Variants in REG4 observed in about 807,000 individuals in gnomAD.
The protein encoded by REG4 is regenerating family member 4, also known as regenerating islet-derived protein 4.
In REG4, 16 loss-of-function variants were observed where a neutral mutation model predicts 22.3. That is an observed-to-expected ratio of 0.72 (90% confidence interval 0.49 to 1.09). The LOEUF (loss-of-function observed/expected upper bound fraction) is 1.09, where lower values mean the gene tolerates loss of function less well. Ranked by LOEUF, REG4 falls within the 50% of genes least tolerant of loss-of-function variation. The pLI is 0.00. For missense variants in REG4, 214 were observed against 193.9 expected, an observed-to-expected ratio of 1.10 and a Z score of -0.61; for synonymous variants, 71 against 69.2, an observed-to-expected ratio of 1.03 and a Z score of -0.13.
chr1:119,794,649 C>A lies in REG4; in HGVS notation c.446G>T (p.Arg149Leu), dbSNP rs143957193. Residue 149 changes from arginine (R) to leucine (L), a missense_variant, in exon 6 of 6, where the codon CGC becomes CTC. By Grantham distance (102) the Arg-to-Leu change is moderately radical. Transcript: ENST00000256585. Reference sequence around the variant, plus strand: ...TCGGTACTTGCACAGGAAGTGTTGGCGCTTGTTGCATTCGTTGCTGCTCCA... The same window carrying A: ...TCGGTACTTGCACAGGAAGTGTTGGAGCTTGTTGCATTCGTTGCTGCTCCA... ...LTWSSNECNK[R>L]QHFLCKYRP is the part of the protein sequence containing the mutation. 3 of 1,613,988 alleles carry A rather than the reference C, an allele frequency of 1.9e-6. No individual in the cohort carries two copies. The highest frequency in any genetic ancestry group is 2.7e-5 in the African/African-American group (2 of 74,892).
rs762590256 is a variant in REG4 at position 119,805,412 on chromosome 1, G to T, written c.68-2247C>A. Among the ~76,000 whole-genome samples, 15 of 152,226 alleles carry T rather than the reference G, an allele frequency of 9.9e-5. No individual in the cohort carries two copies. The Middle Eastern group carries it at 0.01, about 104-fold the overall frequency. ...GCATCACACCTGGTGCTCCTGGTTT[G>T]GTCTTGTGCACTCTGAAGCAACTGT... is the stretch of plus-strand genomic sequence containing the variant. On this transcript the variant is annotated intron_variant, in intron 2 of 5. Coordinates refer to ENST00000256585, the MANE Select transcript of REG4 (RefSeq NM_032044.4).
chr1:119,808,684 C>G lies in REG4; in HGVS notation c.67+19G>C. 1 of 1,599,590 alleles carries G rather than the reference C, an allele frequency of 6.3e-7. No homozygotes were observed. Among genetic ancestry groups the G allele is most frequent in the African/African-American group, 1.3e-5 (1 of 74,668 alleles). ...AACACTGGCTGTGGCTCAGTTCCAGCTACGTGATGGATACTCACCACCCAG... is the reference window on the plus strand; with the variant it reads ...AACACTGGCTGTGGCTCAGTTCCAGGTACGTGATGGATACTCACCACCCAG... On this transcript the variant is annotated intron_variant, in intron 2 of 5. Transcript: ENST00000256585.
At chr1:119,810,054 T>C (rs1654451552) in intron 1 of REG4, among the ~76,000 whole-genome samples, 1 of 152,162 alleles carries the variant, frequency 6.6e-6, no homozygotes, top group Non-Finnish European at 1.5e-5. Context: ...TTTTGTATGT[T>C]TATTGCCTTT....
chr1:119,799,637 C>T (rs1654038240), intron 4 of REG4, 88 bp downstream of exon 4: 1 of 1,527,558 alleles, frequency 6.5e-7, no homozygotes, highest in South Asian at 1.2e-5. Context: ...CCGCTGTGTC[C>T]TTGTTATAGG....
chr1:119,796,871 G>C (rs1163544), intron 5 of REG4, among the ~76,000 whole-genome samples: 70 of 152,140 alleles, frequency 4.6e-4, no homozygotes, highest in Middle Eastern at 3.4e-3. Flanking sequence ...AAGGACTTTC[G>C]TTTGAGGACT....
In REG4 at chr1:119,811,409, C is replaced by G. The variant is rs1217441578; in HGVS notation, c.-95G>C. On this transcript the variant is annotated splice_region_variant and 5_prime_UTR_variant, in exon 1 of 6. Coordinates refer to ENST00000256585, the MANE Select transcript of REG4 (RefSeq NM_032044.4). ...CATCATCAACCGCGAGGAGGATTAC[C>G]TGTTTGGCAACCAAGACTCTAAGGG... 2 of 150,274 alleles carry G rather than the reference C, an allele frequency of 1.3e-5. No individual in the cohort carries two copies. The highest frequency in any genetic ancestry group is 3.9e-4 in the East Asian group (2 of 5,174). The allele number at this position is 150,274 out of a possible 1,614,324, so 9.3% of individuals were successfully genotyped here.
intron 2 of REG4, among the ~76,000 whole-genome samples, chr1:119,804,014 A>T (rs1654210181): frequency 6.6e-6 from 1 of 152,204 alleles, no homozygotes; most frequent in Non-Finnish European, 1.5e-5. Context: ...CTGCTAGTCC[A>T]TTGGTGAATG....
chr1:119,807,441 A>G (rs1654354428), intron 2 of REG4, among the ~76,000 whole-genome samples: 1 of 152,232 alleles, frequency 6.6e-6, no homozygotes, highest in South Asian at 2.1e-4. Context: ...GAGTTTAGTG[A>G]GATCCCAGGG....
Position 119,799,552 on chromosome 1 carries a change from C to T in REG4, c.303+173G>A, listed in dbSNP as rs587620130. On this transcript the variant is annotated intron_variant, in intron 4 of 5. Transcript: ENST00000256585. ...GAGTCATTTAAATCATATCCTCCAC[C>T]GAGGGCCAGAACTGGGCCCCTGACC... 8.9e-4 allele frequency among the ~76,000 whole-genome samples: 136 copies of T among 152,324 alleles called. 2 individuals are homozygous for T. The highest frequency in any genetic ancestry group is 3.0e-3 in the African/African-American group (125 of 41,570).
At chr1:119,798,472 T>G in intron 5 of REG4, 25 bp downstream of exon 5, 1 of 1,570,022 alleles carries the variant, frequency 6.4e-7, no homozygotes, top group Non-Finnish European at 8.8e-7. Flanking sequence ...TGGGAAGTGG[T>G]GAGGGGTGGT....
chr1:119,802,746 C>A, intron 3 of REG4: 1 of 1,446,096 alleles, frequency 6.9e-7, no homozygotes, highest in Non-Finnish European at 9.1e-7. Flanking sequence ...TCTGTGAATT[C>A]CTCATCTTCT....
intron 5 of REG4, among the ~76,000 whole-genome samples, chr1:119,797,235 T>C (rs1185182961): frequency 6.6e-6 from 1 of 152,214 alleles, no homozygotes; most frequent in African/African-American, 2.4e-5. Context: ...AATCCACTTG[T>C]TGATAGCCTC....
chr1:119,808,244 A>G (rs1315462751), intron 2 of REG4, among the ~76,000 whole-genome samples: 1 of 152,162 alleles, frequency 6.6e-6, no homozygotes, highest in African/African-American at 2.4e-5. Context: ...TTGCCATGTT[A>G]CTTTGCACTT....
At chr1:119,797,443 T>C (rs1036592430) in intron 5 of REG4, among the ~76,000 whole-genome samples, 1 of 152,180 alleles carries the variant, frequency 6.6e-6, no homozygotes, top group African/African-American at 2.4e-5. Flanking sequence ...TTCCTTCTTA[T>C]AAGTTTATTC....
At position 119,799,826 on chromosome 1, in the gene REG4, C is replaced by A; in HGVS notation, c.202G>T (p.Ala68Ser). Residue 68 changes from alanine to serine, a missense_variant, in exon 4 of 6, where the codon GCA (alanine) becomes TCA (serine). Physicochemically the swap from Ala to Ser is moderately conservative, Grantham distance 99. Coordinates refer to ENST00000256585, the MANE Select transcript of REG4 (RefSeq NM_032044.4). ...GCTTCCTTTAAACTCAGGATAGATG[C>A]CAGGTGGGCTCCGTTTCCGTAAGAC... ...CQSYGNGAHL[A>S]SILSLKEAST... The A allele has an allele frequency of 5.0e-6, 8 of 1,614,136 alleles. No individual in the cohort carries two copies. The highest frequency in any genetic ancestry group is 6.8e-6 in the Non-Finnish European group (8 of 1,180,032).
intron 2 of REG4, among the ~76,000 whole-genome samples, chr1:119,807,238 G>C (rs924100893): frequency 1.3e-5 from 2 of 152,162 alleles, no homozygotes; most frequent in African/African-American, 4.8e-5. Flanking sequence ...TAATTTCTAA[G>C]TCCCCTCTAT....
At position 119,803,074 on chromosome 1, in the gene REG4, A is replaced by G. The variant is rs1654169865; in HGVS notation, c.159T>C (p.Asp53=). 6.2e-7 allele frequency: 1 copy of G among 1,603,346 alleles called. No homozygotes were observed. The highest frequency in any genetic ancestry group is 1.1e-5 in the South Asian group (1 of 88,902). The change falls in exon 3 of 6, where the codon GAT becomes GAC. Residue 53 remains aspartate, a synonymous_variant. Coordinates refer to ENST00000256585, the MANE Select transcript of REG4 (RefSeq NM_032044.4). The part of the protein sequence containing the change: ...GYFRKLRNWS[D]AELECQSYGN... ...CAGGCAGCAAGTTTCTTACCTCGGCATCAGACCAGTTCCTCAGCTTCCTGA... is the reference window on the plus strand; with the variant it reads ...CAGGCAGCAAGTTTCTTACCTCGGCGTCAGACCAGTTCCTCAGCTTCCTGA...
intron 5 of REG4, among the ~76,000 whole-genome samples, chr1:119,795,651 G>A (rs1239786915): frequency 1.3e-5 from 2 of 152,212 alleles, no homozygotes; most frequent in Non-Finnish European, 2.9e-5. Flanking sequence ...CCCAGTGCGT[G>A]TGGGTGGGTG....
rs891992267 is a variant in REG4, at chr1:119,794,492, T to C, written c.*126A>G. ...GTCTCTAAGCCTAAAAAAGCCAGTG[T>C]AGTAGGGCCCTTATCACTCTTAGTT... On this transcript the variant is annotated 3_prime_UTR_variant, in exon 6 of 6. Coordinates refer to ENST00000256585, the MANE Select transcript of REG4 (RefSeq NM_032044.4). The C allele has an allele frequency of 1.2e-6, 1 of 857,884 alleles. No individual in the cohort carries two copies. The highest frequency in any genetic ancestry group is 2.0e-6 in the Non-Finnish European group (1 of 506,732). 53.1% of individuals were successfully genotyped at this position (857,884 alleles called of 1,614,324 possible). A position where few individuals can be genotyped will look rare whatever the true frequency, so the allele number is the denominator to read the frequency against.
Sources: gnomAD v4.1 joint callset for allele counts (sites outside exome capture counted in the v4.1 genomes callset) on GRCh38, gnomAD v4.1.1 for gene constraint, MANE v1.5 for transcripts, NCBI Gene and HGNC (gene_info 2026-07-23, HGNC 2026-07-21) for gene names.